IL5RA: variants seen among roughly 807,000 people sequenced by gnomAD.
The protein encoded by IL5RA is interleukin 5 receptor subunit alpha.
IL5RA carries 49 observed loss-of-function variants against 50.0 expected under a neutral mutation model. The ratio of observed to expected loss-of-function variants is 0.98; its 90% confidence interval spans 0.78 to 1.24. The LOEUF (loss-of-function observed/expected upper bound fraction) is 1.24, where lower values mean the gene tolerates loss of function less well. IL5RA is among the 50% of genes most tolerant of loss of function. IL5RA has a pLI of 0.00. For missense variants in IL5RA, 600 were observed against 500.4 expected (o/e 1.20, Z -1.90); for synonymous variants, 202 against 174.0 (o/e 1.16, Z -1.26).
intron 5 of IL5RA, among the ~76,000 whole-genome samples, chr3:3,099,794 C>A (rs577221973): frequency 6.6e-6 from 1 of 151,762 alleles, no homozygotes; most frequent in Non-Finnish European, 1.5e-5. Context: ...CTCAGCCTCC[C>A]GAGTAACTGG....
rs200496359 is a variant in IL5RA at position 3,098,217 on chromosome 3, C to A, written c.441G>T (p.Arg147Ser). Reference protein sequence around the residue: ...NTTEDNYSRLRSYQVSLHCTW... With the variant: ...NTTEDNYSRLSSYQVSLHCTW... ...TGCAGTGAAGGGAAACTTGGTATGACCTTAAACGTGAATAATTGTCTTCTG... is the reference window on the plus strand; with the variant it reads ...TGCAGTGAAGGGAAACTTGGTATGAACTTAAACGTGAATAATTGTCTTCTG... The change falls in exon 6 of 12, where the codon AGG (arginine) becomes AGT (serine). Residue 147 changes from arginine to serine, a missense_variant. Coordinates refer to ENST00000446632, the MANE Select transcript of IL5RA (RefSeq NM_175726.4). The A allele has an allele frequency of 2.2e-4, 350 of 1,613,908 alleles. No individual in the cohort carries two copies. The highest frequency in any genetic ancestry group is 2.7e-4 in the Non-Finnish European group (323 of 1,179,954).
chr3:3,087,947 C>T (rs972534148), intron 9 of IL5RA, among the ~76,000 whole-genome samples: 4 of 152,064 alleles, frequency 2.6e-5, no homozygotes, highest in African/African-American at 7.2e-5. Context: ...TGATCCTAAA[C>T]TGAGCAGAGG....
At chr3:3,097,448 G>T (rs1468702462) in intron 7 of IL5RA, among the ~76,000 whole-genome samples, 1 of 152,200 alleles carries the variant, frequency 6.6e-6, no homozygotes, top group Non-Finnish European at 1.5e-5. Flanking sequence ...CACAAAACCT[G>T]TCAGAACTCA....
At chr3:3,070,392 C>G in intron 11 of IL5RA, 81 bp from the exon 12 acceptor site, 2 of 805,102 alleles carry the variant, frequency 2.5e-6, no homozygotes, top group South Asian at 1.6e-5. Context: ...GGCTTTAAGT[C>G]TATTATTTTT....
At chr3:3,087,328 C>A (rs1410780797) in intron 9 of IL5RA, among the ~76,000 whole-genome samples, 1 of 152,144 alleles carries the variant, frequency 6.6e-6, no homozygotes, top group African/African-American at 2.4e-5. Context: ...GCTAACTATA[C>A]CCCCTCCCTG....
At chr3:3,100,996 A>AATAATAATG (rs1236286766) in intron 5 of IL5RA, among the ~76,000 whole-genome samples, 1 of 109,062 alleles carries the variant, frequency 9.2e-6, no homozygotes, top group Non-Finnish European at 2.2e-5. Context: ...TAATAATAAT[A>AATAATAATG]ATAATAATAA....
In IL5RA at chr3:3,097,987, A is replaced by G; in HGVS notation, c.592T>C (p.Phe198Leu). 2 of 1,614,170 alleles carry G rather than the reference A, an allele frequency of 1.2e-6. No individual in the cohort carries two copies. The highest frequency in any genetic ancestry group is 1.7e-6 in the Non-Finnish European group (2 of 1,180,036). ...DTLGRNIACWFPRTFILSKGR... is the reference protein window; with the variant it reads ...DTLGRNIACWLPRTFILSKGR... ...TTGCTGAGGATAAAAGTCCTGGGAAACCAGCATGCGATATTTCTCCCCAGT... is the reference window on the plus strand; with the variant it reads ...TTGCTGAGGATAAAAGTCCTGGGAAGCCAGCATGCGATATTTCTCCCCAGT... Residue 198 changes from phenylalanine (F) to leucine (L), a missense_variant, in exon 7 of 12, where the codon TTT becomes CTT. By Grantham distance (22) the Phe-to-Leu change is conservative. Transcript: ENST00000446632.
At position 3,069,291 on chromosome 3, in the gene IL5RA, G is replaced by C. The variant is rs561830627; in HGVS notation, c.*934C>G. The C allele has an allele frequency of 6.6e-6, 1 of 152,172 alleles. No individual in the cohort carries two copies. The allele number at this position is 152,172 out of a possible 1,614,324, so 9.4% of individuals were successfully genotyped here. On this transcript the variant is annotated 3_prime_UTR_variant, in exon 12 of 12. Transcript: ENST00000446632. ...AGGAAGAAGAATTTCTGTGTATATT[G>C]GGATATTTGATGGAATGGCCTTGTA... is the stretch of plus-strand genomic sequence containing the variant.
chr3:3,092,540 GTCACCCTTCA>G lies in IL5RA; in HGVS notation c.856-188_856-179del, dbSNP rs1425872269. 2.6e-5 allele frequency among the ~76,000 whole-genome samples: 4 copies of G among 152,304 alleles called. No homozygotes were observed. The highest frequency in any genetic ancestry group is 4.2e-4 in the South Asian group (2 of 4,818). ...GTGCGTTAGTGTGGATGTGTTGGCA[GTCACCCTTCA>G]GTGGAACGCTATCTTGTAACCAAAA... On this transcript the variant is annotated intron_variant, in intron 8 of 11. Transcript: ENST00000446632. This position sits in a 1 kb window ranked among gnomAD's most constrained non-coding sequence, Gnocchi z 4.2.
chr3:3,101,156 G>A (rs1405730149), intron 5 of IL5RA, among the ~76,000 whole-genome samples: 2 of 145,288 alleles, frequency 1.4e-5, no homozygotes, highest in African/African-American at 5.2e-5. Flanking sequence ...TTCAGCCTGG[G>A]CAACAGAAGG....
chr3:3,070,960 G>A (rs1702278391), intron 11 of IL5RA, among the ~76,000 whole-genome samples: 1 of 152,086 alleles, frequency 6.6e-6, no homozygotes, highest in South Asian at 2.1e-4. Flanking sequence ...TGCTTTGGCG[G>A]CATCACTTTT....
At chr3:3,080,601 A>C (rs1702629397) in intron 9 of IL5RA, among the ~76,000 whole-genome samples, 1 of 152,200 alleles carries the variant, frequency 6.6e-6, no homozygotes, top group Non-Finnish European at 1.5e-5. Flanking sequence ...AGCTTCTCTA[A>C]TTAAAGGTGG....
At chr3:3,072,550 C>T (rs1407258730) in intron 11 of IL5RA, among the ~76,000 whole-genome samples, 1 of 152,286 alleles carries the variant, frequency 6.6e-6, no homozygotes, top group East Asian at 1.9e-4. Context: ...TCTTTTGGGG[C>T]TCTGTAGGGA....
intron 8 of IL5RA, among the ~76,000 whole-genome samples, chr3:3,093,681 A>C (rs17878630): frequency 1.3e-5 from 2 of 152,130 alleles, no homozygotes; most frequent in Admixed American, 1.3e-4. Flanking sequence ...TCCTCTCTGC[A>C]GAGCAGGCTC....
intron 5 of IL5RA, among the ~76,000 whole-genome samples, chr3:3,099,501 T>G (rs1703535180): frequency 6.6e-6 from 1 of 151,918 alleles, no homozygotes; most frequent in South Asian, 2.1e-4. Context: ...TGGCGGCATG[T>G]GCCTATAGTT....
intron 5 of IL5RA, 121 bp from the exon 6 acceptor site, chr3:3,098,411 A>ATT: frequency 1.2e-6 from 1 of 841,988 alleles, no homozygotes; most frequent in Non-Finnish European, 1.8e-6. Flanking sequence ...TCATCTTCAC[A>ATT]TTTTTTTTTC....
intron 3 of IL5RA, among the ~76,000 whole-genome samples, chr3:3,103,343 C>T (rs548585069): frequency 1.3e-5 from 2 of 152,290 alleles, no homozygotes; most frequent in South Asian, 2.1e-4. Flanking sequence ...TATCCATTAA[C>T]AGGCAATAAT....
chr3:3,087,129 G>C (rs1218631300), intron 9 of IL5RA, among the ~76,000 whole-genome samples: 1 of 152,138 alleles, frequency 6.6e-6, no homozygotes, highest in Non-Finnish European at 1.5e-5. Context: ...AAACTATTTA[G>C]CTGATGGGTA....
In IL5RA at chr3:3,077,930, A is replaced by G. The variant is rs191857876; in HGVS notation, c.995-1303T>C. 3.6e-3 allele frequency among the ~76,000 whole-genome samples: 545 copies of G among 152,326 alleles called. 5 individuals are homozygous for G. Among genetic ancestry groups the G allele is most frequent in the Non-Finnish European group, 6.3e-3 (426 of 68,028 alleles). On this transcript the variant is annotated intron_variant, in intron 9 of 11. Transcript: ENST00000446632. ...TTTCCGTGGGAGAGGCTGCTCATTC[A>G]TTAATTCCTTTATTCATCCATTTAA...
Sources: gnomAD v4.1 joint callset for allele counts (sites outside exome capture counted in the v4.1 genomes callset) on GRCh38, gnomAD v4.1.1 for gene constraint, Gnocchi (gnomAD v3.1) non-coding constraint, MANE v1.5 for transcripts, NCBI Gene and HGNC (gene_info 2026-07-23, HGNC 2026-07-21) for gene names.